Variants in SCRG1 observed in about 807,000 individuals in gnomAD.
The protein encoded by SCRG1 is stimulator of chondrogenesis 1, also known as scrapie-responsive protein 1.
Under a neutral mutation model 7.7 loss-of-function variants are expected in SCRG1, and 3 were observed. The observed-to-expected ratio is 0.39, with a 90% CI of 0.18 to 1.01. The LOEUF (loss-of-function observed/expected upper bound fraction) is 1.01, where lower values mean the gene tolerates loss of function less well. SCRG1 is among the 50% of genes least tolerant of loss of function. SCRG1 has a pLI of 0.36. For synonymous variants in SCRG1, 46 were observed against 41.2 expected (o/e 1.12, Z -0.44); for missense variants, 110 against 117.2 (o/e 0.94, Z 0.28).
the SCRG1 span, among the ~76,000 whole-genome samples, chr4:173,484,350 TATATA>T: frequency 7.7e-5 from 6 of 78,428 alleles, no homozygotes; most frequent in South Asian, 1.2e-3. Flanking sequence ...TATTATATAA[TATATA>T]ATATATATTA....
At chr4:173,502,323 AGTTT>A in the SCRG1 span, among the ~76,000 whole-genome samples, 5 of 152,274 alleles carry the variant, frequency 3.3e-5, no homozygotes, top group African/African-American at 1.2e-4. This position sits in a 1 kb window ranked among gnomAD's most constrained non-coding sequence, Gnocchi z 4.6. Context: ...AGGTGGGGGT[AGTTT>A]GACTCTGAAA....
chr4:173,464,967 T>C, the SCRG1 span, among the ~76,000 whole-genome samples: 1 of 152,212 alleles, frequency 6.6e-6, no homozygotes, highest in East Asian at 1.9e-4. Flanking sequence ...GAAGACATTA[T>C]GTTAAGTGAA....
chr4:173,468,842 A>C, the SCRG1 span: 2 of 152,192 alleles, frequency 1.3e-5, no homozygotes, highest in African/African-American at 4.8e-5. Context: ...CTATTCCAAC[A>C]AAGACCATCA....
upstream of SCRG1, among the ~76,000 whole-genome samples, chr4:173,400,040 T>G (rs1015101523): frequency 6.6e-6 from 1 of 152,200 alleles, no homozygotes; most frequent in African/African-American, 2.4e-5. Flanking sequence ...TTACCTCATA[T>G]GCCATGCTAA....
At chr4:173,490,844 C>A in the SCRG1 span, among the ~76,000 whole-genome samples, 1 of 152,124 alleles carries the variant, frequency 6.6e-6, no homozygotes, top group African/African-American at 2.4e-5. Context: ...TTTTCAGGGG[C>A]AGGTCTTGCT....
the SCRG1 span, among the ~76,000 whole-genome samples, chr4:173,423,577 TA>T: frequency 9.7e-4 from 147 of 152,238 alleles, 1 homozygote; most frequent in African/African-American, 3.4e-3. Context: ...CTATTAATAA[TA>T]AAAAAACCTT....
chr4:173,479,649 C>T, the SCRG1 span, among the ~76,000 whole-genome samples: 12 of 151,928 alleles, frequency 7.9e-5, no homozygotes, highest in Non-Finnish European at 1.3e-4. Context: ...CCATGTTACT[C>T]AGGCTGGTCT....
At chr4:173,399,337 G>A (rs1368393927), upstream of SCRG1, 1 of 152,198 alleles carries the variant, frequency 6.6e-6, no homozygotes. Context: ...AGAACGAATA[G>A]AACAGCTTCT....
the SCRG1 span, among the ~76,000 whole-genome samples, chr4:173,516,468 A>C: frequency 5.3e-5 from 8 of 152,350 alleles, no homozygotes; most frequent in Non-Finnish European, 1.2e-4. Flanking sequence ...ACTGGTATCA[A>C]GGACGAGTTA....
chr4:173,400,974 GA>G (rs1578967902), upstream of SCRG1, among the ~76,000 whole-genome samples: 1 of 152,198 alleles, frequency 6.6e-6, no homozygotes, highest in African/African-American at 2.4e-5. Context: ...AAAATTAGGA[GA>G]GTGTCATCAT....
chr4:173,450,786 C>T, the SCRG1 span, among the ~76,000 whole-genome samples: 4 of 152,278 alleles, frequency 2.6e-5, no homozygotes, highest in South Asian at 2.1e-4. Context: ...AGTAGTTCCA[C>T]GCATAACAAA....
At chr4:173,440,907 T>C in the SCRG1 span, among the ~76,000 whole-genome samples, 3 of 152,116 alleles carry the variant, frequency 2.0e-5, no homozygotes, top group Non-Finnish European at 4.4e-5. Context: ...TGTCCAAATT[T>C]CCCCTTCCTT....
chr4:173,450,618 A>G, the SCRG1 span, among the ~76,000 whole-genome samples: 1 of 152,166 alleles, frequency 6.6e-6, no homozygotes, highest in African/African-American at 2.4e-5. Flanking sequence ...GGCTATTAAA[A>G]GGGCTCCTTG....
chr4:173,407,468 G>A (rs1739939164), upstream of SCRG1, among the ~76,000 whole-genome samples: 1 of 152,046 alleles, frequency 6.6e-6, no homozygotes, highest in African/African-American at 2.4e-5. Flanking sequence ...TTGGGAGGTG[G>A]AAGTTGCAGT....
At chr4:173,483,057 T>A in the SCRG1 span, among the ~76,000 whole-genome samples, 1 of 101,834 alleles carries the variant, frequency 9.8e-6, no homozygotes, top group Non-Finnish European at 1.9e-5. Flanking sequence ...TTATATATAA[T>A]ATATTTCATG....
chr4:173,443,934 G>T, the SCRG1 span, among the ~76,000 whole-genome samples: 1 of 143,666 alleles, frequency 7.0e-6, no homozygotes, highest in Non-Finnish European at 1.5e-5. Context: ...CAAGGGCAAA[G>T]AGCTTGTTTT....
chr4:173,484,475 A>ATT, the SCRG1 span, among the ~76,000 whole-genome samples: 34 of 14,958 alleles, frequency 2.3e-3, no homozygotes, highest in East Asian at 6.4e-3. Context: ...TATAATATAT[A>ATT]ATATATATTA....
the SCRG1 span, among the ~76,000 whole-genome samples, chr4:173,507,963 A>G: frequency 6.6e-6 from 1 of 152,142 alleles, no homozygotes; most frequent in Non-Finnish European, 1.5e-5. The surrounding 1 kb of genome is among the most constrained non-coding windows in gnomAD (Gnocchi z 4.4). Context: ...CGGCTCCCGG[A>G]GGCGCTGCTA....
chr4:173,433,210 T>C, the SCRG1 span, among the ~76,000 whole-genome samples: 3 of 152,224 alleles, frequency 2.0e-5, no homozygotes, highest in Non-Finnish European at 4.4e-5. Context: ...GAATATTATA[T>C]GTGTGTTGGG....
Sources: gnomAD v4.1 joint callset for allele counts (sites outside exome capture counted in the v4.1 genomes callset) on GRCh38, gnomAD v4.1.1 for gene constraint, Gnocchi (gnomAD v3.1) non-coding constraint, MANE v1.5 for transcripts, NCBI Gene and HGNC (gene_info 2026-07-23, HGNC 2026-07-21) for gene names.